GOT1: variants seen among roughly 807,000 people sequenced by gnomAD.
GOT1 encodes aspartate aminotransferase, cytoplasmic.
A neutral mutation model predicts 48.2 loss-of-function variants in GOT1; 25 were observed. The ratio of observed to expected loss-of-function variants is 0.52; its 90% confidence interval spans 0.38 to 0.72. The LOEUF is 0.72. Among genes scored for constraint, GOT1 ranks in the 30% least tolerant of loss-of-function variants. GOT1 has a pLI of 0.00. For missense variants in GOT1, 380 were observed against 520.1 expected (o/e 0.73, Z 2.62); for synonymous variants, 188 against 193.8 (o/e 0.97, Z 0.25).
rs2032765399 is a variant in GOT1 at position 99,406,849 on chromosome 10, C to T, written c.301G>A (p.Val101Ile). The change falls in exon 3 of 9, where the codon GTA becomes ATA. Residue 101 changes from valine to isoleucine, a missense_variant and splice_region_variant. By Grantham distance (29) the Val-to-Ile change is conservative (BLOSUM62 3). Coordinates refer to ENST00000370508, the MANE Select transcript of GOT1 (RefSeq NM_002079.3). Reference protein sequence around the residue: ...DDSPALKEKRVGGVQSLGGTG... With the variant: ...DDSPALKEKRIGGVQSLGGTG... ...CCCCCCAAAGATTGCACACCTCCTA[C>T]CTGAAAGAGAAGAAACAGGGTCACA... The T allele has an allele frequency of 6.2e-7, 1 of 1,613,668 alleles. No homozygotes were observed.
chr10:99,430,350 G>C, intron 1 of GOT1, 98 bp downstream of exon 1: 4 of 1,606,498 alleles, frequency 2.5e-6, no homozygotes, highest in Non-Finnish European at 3.4e-6. Flanking sequence ...TTCAGGCAGC[G>C]CCACACTGGG....
chr10:99,421,735 C>A (rs919813196), intron 1 of GOT1, among the ~76,000 whole-genome samples: 1 of 152,118 alleles, frequency 6.6e-6, no homozygotes, highest in African/African-American at 2.4e-5. Context: ...TGGCAGGGGT[C>A]ATTTGCCTCT....
chr10:99,421,499 C>A (rs1448310323), intron 1 of GOT1, among the ~76,000 whole-genome samples: 1 of 152,244 alleles, frequency 6.6e-6, no homozygotes, highest in Admixed American at 6.5e-5. Flanking sequence ...TCATCTGCCT[C>A]ACCCTTTCAT....
In GOT1 at chr10:99,405,780, C is replaced by A; in HGVS notation, c.618G>T (p.Trp206Cys). Residue 206 changes from tryptophan to cysteine, a missense_variant, in exon 5 of 9, where the codon TGG (tryptophan) becomes TGT (cysteine). Transcript: ENST00000370508. Reference sequence around the variant, plus strand: ...CCTTCATGACAGAAGCAATCTGCTTCCACTGCTCCGGAGTTGGGTCAATCC... The same window carrying A: ...CCTTCATGACAGAAGCAATCTGCTTACACTGCTCCGGAGTTGGGTCAATCC... ...PTGIDPTPEQ[W>C]KQIASVMKHR... 1 of 1,597,766 alleles carries A rather than the reference C, an allele frequency of 6.3e-7. No individual in the cohort carries two copies. The highest frequency in any genetic ancestry group is 8.6e-7 in the Non-Finnish European group (1 of 1,165,120).
rs577217015 is a variant in GOT1 at position 99,402,453 on chromosome 10, G to C, written c.1102+127C>G. On this transcript the variant is annotated intron_variant, in intron 8 of 8. Transcript: ENST00000370508. ...ACCCTAAGAAAACCTAACTTGTCCT[G>C]GTCCAAAGCAATGGCTGCCCAATTA... 249 of 951,584 alleles carry C rather than the reference G, an allele frequency of 2.6e-4. 5 individuals carry two copies. The South Asian group carries it at 3.8e-3, about 14-fold the overall frequency. 58.9% of individuals were successfully genotyped at this position (951,584 alleles called of 1,614,324 possible). A position where few individuals can be genotyped will look rare whatever the true frequency, so the allele number is the denominator to read the frequency against.
At chr10:99,426,096 G>A (rs1054906815) in intron 1 of GOT1, among the ~76,000 whole-genome samples, 2 of 152,082 alleles carry the variant, frequency 1.3e-5, no homozygotes, top group African/African-American at 2.4e-5. Context: ...CAAGAGCTAG[G>A]CTGTCATACT....
At chr10:99,423,430 T>C (rs941007316) in intron 1 of GOT1, among the ~76,000 whole-genome samples, 2 of 152,212 alleles carry the variant, frequency 1.3e-5, no homozygotes, top group African/African-American at 4.8e-5. Context: ...GGATATACAG[T>C]AAAAAGACTT....
rs1445372131 is a variant in GOT1 at position 99,401,614 on chromosome 10, T to C, written c.1102+966A>G. 2.0e-5 allele frequency among the ~76,000 whole-genome samples: 3 copies of C among 148,734 alleles called. No homozygotes were observed. In the East Asian group the frequency reaches 6.1e-4, roughly 30 times the overall value. On this transcript the variant is annotated intron_variant, in intron 8 of 8. Transcript: ENST00000370508. Reference sequence around the variant, plus strand: ...GCCGGGAGGCGGAGGTTGCAGTGAGTCGAGATCACACCACTGCACTCCAGC... The same window carrying C: ...GCCGGGAGGCGGAGGTTGCAGTGAGCCGAGATCACACCACTGCACTCCAGC...
intron 5 of GOT1, among the ~76,000 whole-genome samples, chr10:99,404,184 T>G (rs772657696): frequency 3.3e-5 from 5 of 152,172 alleles, no homozygotes; most frequent in Non-Finnish European, 5.9e-5. Flanking sequence ...CTCTGTGAAT[T>G]TCTGGCGTGA....
intron 2 of GOT1, 115 bp downstream of exon 2, chr10:99,420,509 C>G (rs535455321): frequency 1.3e-6 from 1 of 767,738 alleles, no homozygotes; most frequent in East Asian, 2.7e-5. Context: ...TACAGAAACA[C>G]TTATTCATTG....
At chr10:99,427,511 C>T (rs3793933) in intron 1 of GOT1, among the ~76,000 whole-genome samples, 69,429 of 152,086 alleles carry the variant, frequency 0.46, 18,509 homozygotes, top group Non-Finnish European at 0.59. Flanking sequence ...CCTCGTGATC[C>T]GCCCGCCTCG....
intron 2 of GOT1, 31 bp downstream of exon 2, chr10:99,420,593 A>G: frequency 6.6e-7 from 1 of 1,526,430 alleles, no homozygotes; most frequent in South Asian, 1.2e-5. Flanking sequence ...TCAGTTTCTA[A>G]AGAGAAAATA....
intron 2 of GOT1, among the ~76,000 whole-genome samples, chr10:99,416,432 G>A (rs1252516448): frequency 2.0e-5 from 3 of 152,270 alleles, no homozygotes; most frequent in African/African-American, 2.4e-5. Flanking sequence ...ACTGCTCAAC[G>A]AAATAAAAGA....
At chr10:99,416,384 A>T (rs1399128075) in intron 2 of GOT1, among the ~76,000 whole-genome samples, 1 of 152,222 alleles carries the variant, frequency 6.6e-6, no homozygotes, top group Non-Finnish European at 1.5e-5. Context: ...CCAACTTACA[A>T]GGGATGTGAA....
Position 99,413,527 on chromosome 10 carries a change from T to A in GOT1, c.301-6678A>T, listed in dbSNP as rs181351726. On this transcript the variant is annotated intron_variant, in intron 2 of 8. Coordinates refer to ENST00000370508, the MANE Select transcript of GOT1 (RefSeq NM_002079.3). ...TTGGAAAACACTCTGCAGGATATTA[T>A]CCAGGAGAAGTTCCCCAACCTAGCA... 1.8e-3 allele frequency among the ~76,000 whole-genome samples: 274 copies of A among 152,256 alleles called. 4 individuals are homozygous for A. The Middle Eastern group carries it at 0.021, about 11-fold the overall frequency.
chr10:99,419,381 C>A (rs2032938466), intron 2 of GOT1, among the ~76,000 whole-genome samples: 2 of 152,204 alleles, frequency 1.3e-5, no homozygotes, highest in Admixed American at 6.5e-5. Flanking sequence ...TCTGCTCCAA[C>A]CTTCAGTTGG....
At chr10:99,411,022 G>A (rs1205900307) in intron 2 of GOT1, among the ~76,000 whole-genome samples, 1 of 152,234 alleles carries the variant, frequency 6.6e-6, no homozygotes, top group Non-Finnish European at 1.5e-5. Context: ...AGAGCAACCA[G>A]GAGCTGCCTG....
chr10:99,409,526 G>T (rs2032805250), intron 2 of GOT1, among the ~76,000 whole-genome samples: 1 of 152,076 alleles, frequency 6.6e-6, no homozygotes, highest in Non-Finnish European at 1.5e-5. Context: ...CAACAAAAGG[G>T]AAAAAAGTAG....
At chr10:99,421,181 T>C (rs2032960963) in intron 1 of GOT1, among the ~76,000 whole-genome samples, 1 of 152,218 alleles carries the variant, frequency 6.6e-6, no homozygotes, top group African/African-American at 2.4e-5. Context: ...ACTAGTGCAC[T>C]GAGGTCTCTA....
Sources: gnomAD v4.1 joint callset for allele counts (sites outside exome capture counted in the v4.1 genomes callset) on GRCh38, gnomAD v4.1.1 for gene constraint, MANE v1.5 for transcripts, NCBI Gene and HGNC (gene_info 2026-07-23, HGNC 2026-07-21) for gene names.